The following SCD variants were observed in gnomAD, a reference collection of about 807,000 sequenced individuals.
SCD encodes stearoyl-CoA desaturase.
SCD carries 4 observed loss-of-function variants against 35.7 expected under a neutral mutation model. That is an observed-to-expected ratio of 0.11 (90% CI 0.06 to 0.26). SCD has a LOEUF of 0.26. Among genes scored for constraint, SCD ranks in the 10% least tolerant of loss-of-function variants. The pLI is 1.00. For missense variants in SCD, 282 were observed against 460.7 expected, an observed-to-expected ratio of 0.61 and a Z score of 3.55; for synonymous variants, 150 against 170.2, an observed-to-expected ratio of 0.88 and a Z score of 0.92.
Position 100,356,625 on chromosome 10 carries a change from C to T in SCD, c.741C>T (p.Phe247=), listed in dbSNP as rs141682663. ...GTGAAACTTTTCAAAACAGTGTGTT[C>T]GTTGCCACTTTCTTGCGATATGCTG... ...FWGETFQNSV[F]VATFLRYAVV... The change falls in exon 5 of 6, where the codon TTC becomes TTT. Residue 247 remains phenylalanine, a synonymous_variant. Coordinates refer to ENST00000370355, the MANE Select transcript of SCD (RefSeq NM_005063.5). The surrounding 1 kb of genome is among the most constrained non-coding windows in gnomAD (Gnocchi z 4.1). The T allele has an allele frequency of 1.3e-4, 207 of 1,614,090 alleles. No individual in the cohort carries two copies. Among genetic ancestry groups the T allele is most frequent in the Non-Finnish European group, 1.7e-4 (195 of 1,180,052 alleles).
intron 2 of SCD, among the ~76,000 whole-genome samples, chr10:100,351,468 CTG>C (rs1387444006): frequency 6.6e-6 from 1 of 152,174 alleles, no homozygotes; most frequent in Admixed American, 6.5e-5. Context: ...GCTTAAGACA[CTG>C]TACAAATTGG....
chr10:100,360,609 G>A (rs1179205425), intron 5 of SCD, 125 bp from the exon 6 acceptor site: 5 of 736,822 alleles, frequency 6.8e-6, no homozygotes, highest in Non-Finnish European at 9.5e-6. Context: ...AAAAGAGACT[G>A]AATTCATCCA....
intron 5 of SCD, 68 bp from the exon 6 acceptor site, chr10:100,360,665 TA>T (rs1240117319): frequency 1.8e-5 from 24 of 1,353,090 alleles, no homozygotes; most frequent in Non-Finnish European, 1.1e-6. Flanking sequence ...CCCTGCTAGC[TA>T]ACTGGTGTGC....
At position 100,352,757 on chromosome 10, in the gene SCD, T is replaced by A. The variant is rs1446869992; in HGVS notation, c.441+261T>A. 6.6e-6 allele frequency among the ~76,000 whole-genome samples: 1 copy of A among 152,250 alleles called. No individual in the cohort carries two copies. The highest frequency in any genetic ancestry group is 1.5e-5 in the Non-Finnish European group (1 of 68,050). On this transcript the variant is annotated intron_variant, in intron 3 of 5. Transcript: ENST00000370355. This position sits in a 1 kb window ranked among gnomAD's most constrained non-coding sequence, Gnocchi z 4.2. ...ATTTTTGATCCTAAGGTCCCTGTGTTGTCACACAATCTGGCCGTTGTGGCT... is the reference window on the plus strand; with the variant it reads ...ATTTTTGATCCTAAGGTCCCTGTGTAGTCACACAATCTGGCCGTTGTGGCT...
intron 1 of SCD, 103 bp from the exon 2 acceptor site, chr10:100,347,961 G>T (rs1849819384): frequency 8.4e-7 from 1 of 1,192,830 alleles, no homozygotes; most frequent in African/African-American, 1.5e-5. Flanking sequence ...CTGCGGAAGG[G>T]TCCGTACTGT....
Position 100,362,705 on chromosome 10 carries a change from T to C in SCD, c.*1772T>C, listed in dbSNP as rs1850001648. 6.6e-6 allele frequency: 1 copy of C among 152,260 alleles called. No homozygotes were observed. Among genetic ancestry groups the C allele is most frequent in the East Asian group, 1.9e-4 (1 of 5,194 alleles). 9.4% of individuals were successfully genotyped at this position (152,260 alleles called of 1,614,324 possible). ...TGCCACTTTCACGTGGCCTCCGCAG[T>C]GTCTCCACCTACACCCCTGTGCTCC... is the stretch of plus-strand genomic sequence containing the variant. On this transcript the variant is annotated 3_prime_UTR_variant, in exon 6 of 6. Coordinates refer to ENST00000370355, the MANE Select transcript of SCD (RefSeq NM_005063.5).
chr10:100,348,067 T>C lies in SCD; in HGVS notation c.31T>C (p.Ser11Pro). 1 of 1,613,346 alleles carries C rather than the reference T, an allele frequency of 6.2e-7. No homozygotes were observed. Among genetic ancestry groups the C allele is most frequent in the Non-Finnish European group, 8.5e-7 (1 of 1,179,664 alleles). ...CTCCTCTTCCTCCCCCTTCCAGATC[T>C]CTAGCTCCTATACCACCACCACCAC... MPAHLLQDDISSSYTTTTTIT... is the reference protein window; with the variant it reads MPAHLLQDDIPSSYTTTTTIT... The change falls in exon 2 of 6, where the codon TCT becomes CCT. Residue 11 changes from serine to proline, a missense_variant. Ser to Pro is a moderately conservative substitution (Grantham distance 74). Transcript: ENST00000370355.
At chr10:100,359,619 C>T (rs1334508723) in intron 5 of SCD, among the ~76,000 whole-genome samples, 1 of 152,180 alleles carries the variant, frequency 6.6e-6, no homozygotes, top group Non-Finnish European at 1.5e-5. Flanking sequence ...TCAGGTGTCA[C>T]AGAGAGAGGA....
rs984313022 is a variant in SCD at position 100,362,436 on chromosome 10, C to A, written c.*1503C>A. 3.9e-5 allele frequency: 6 copies of A among 152,108 alleles called. No individual in the cohort carries two copies. Among genetic ancestry groups the A allele is most frequent in the African/African-American group, 1.4e-4 (6 of 41,412 alleles). The allele number at this position is 152,108 out of a possible 1,614,324, so 9.4% of individuals were successfully genotyped here. A position where few individuals can be genotyped will look rare whatever the true frequency, so the allele number is the denominator to read the frequency against. On this transcript the variant is annotated 3_prime_UTR_variant, in exon 6 of 6. Coordinates refer to ENST00000370355, the MANE Select transcript of SCD (RefSeq NM_005063.5). ...ACATCTAGCCTAAAGTATACAACTG[C>A]CTGGGGGGCAGGGTTAGGAATCTCT... is the stretch of plus-strand genomic sequence containing the variant.
intron 5 of SCD, 123 bp from the exon 6 acceptor site, chr10:100,360,611 A>T (rs1479743857): frequency 5.4e-6 from 4 of 740,542 alleles, no homozygotes; most frequent in Admixed American, 2.3e-5. Context: ...AAGAGACTGA[A>T]TTCATCCATT....
Position 100,361,068 on chromosome 10 carries a change from AAAAT to A in SCD, c.*136_*139del. On this transcript the variant is annotated 3_prime_UTR_variant, in exon 6 of 6. Coordinates refer to ENST00000370355, the MANE Select transcript of SCD (RefSeq NM_005063.5). ...ACCCATTCCAGTACAGTATTCTTTT[AAAAT>A]TCAAAAGTATTGAAAGCCAACAACT... 1.3e-6 allele frequency: 1 copy of A among 763,304 alleles called. No homozygotes were observed. The highest frequency in any genetic ancestry group is 2.1e-6 in the Non-Finnish European group (1 of 484,428). The allele number at this position is 763,304 out of a possible 1,614,324, so 47.3% of individuals were successfully genotyped here.
rs760515358 is a variant in SCD at position 100,352,519 on chromosome 10, C to T, written c.441+23C>T. On this transcript the variant is annotated intron_variant, in intron 3 of 5. Transcript: ENST00000370355. This position sits in a 1 kb window ranked among gnomAD's most constrained non-coding sequence, Gnocchi z 4.2. ...CAGGTAAGAAGTTGTCTCTGCTCAG[C>T]TGTTTGTCCTCCACACTATTAATGA... 1 of 1,610,586 alleles carries T rather than the reference C, an allele frequency of 6.2e-7. No homozygotes were observed. The highest frequency in any genetic ancestry group is 8.5e-7 in the Non-Finnish European group (1 of 1,178,900).
At chr10:100,357,353 TTA>T (rs971985567) in intron 5 of SCD, among the ~76,000 whole-genome samples, 10 of 152,220 alleles carry the variant, frequency 6.6e-5, no homozygotes, top group Non-Finnish European at 1.5e-4. Context: ...AAAGTATTTT[TTA>T]TCTTTCCACT....
chr10:100,350,492 A>T (rs1849859479), intron 2 of SCD, among the ~76,000 whole-genome samples: 1 of 152,156 alleles, frequency 6.6e-6, no homozygotes, highest in Non-Finnish European at 1.5e-5. Flanking sequence ...AGGCAAAACC[A>T]TTCAAGTCTC....
At position 100,361,197 on chromosome 10, in the gene SCD, T is replaced by C; in HGVS notation, c.*264T>C. 2.2e-6 allele frequency: 1 copy of C among 444,986 alleles called. No homozygotes were observed. The highest frequency in any genetic ancestry group is 4.1e-6 in the Non-Finnish European group (1 of 246,594). The allele number at this position is 444,986 out of a possible 1,614,324, so 27.6% of individuals were successfully genotyped here. A position where few individuals can be genotyped will look rare whatever the true frequency, so the allele number is the denominator to read the frequency against. On this transcript the variant is annotated 3_prime_UTR_variant, in exon 6 of 6. Transcript: ENST00000370355. Reference sequence around the variant, plus strand: ...TCACTTTATTGCTATCGCCCTCCTTTCCCTTATTGCCTCCCAGGCAAGCAG... The same window carrying C: ...TCACTTTATTGCTATCGCCCTCCTTCCCCTTATTGCCTCCCAGGCAAGCAG...
rs747259276 is a variant in SCD, at chr10:100,354,376, T to A, written c.442-51T>A. 7 of 1,505,542 alleles carry A rather than the reference T, an allele frequency of 4.6e-6. 1 individual carries two copies. In the South Asian group the frequency reaches 7.9e-5, roughly 17 times the overall value. The allele number at this position is 1,505,542 out of a possible 1,614,324, so 93.3% of individuals were successfully genotyped here. ...TGATACCTGTCCATTGGGATTCTCC[T>A]AATAGGGTGTCTATCCTCAAGCCTT... On this transcript the variant is annotated intron_variant, in intron 3 of 5. Coordinates refer to ENST00000370355, the MANE Select transcript of SCD (RefSeq NM_005063.5).
At position 100,352,289 on chromosome 10, in the gene SCD, C is replaced by T; in HGVS notation, c.311-77C>T. The stretch of plus-strand genomic sequence containing the variant: ...CCTGACGAAGACAGTTTCTAGCATC[C>T]AGAGAGTGTCTCTGGCATCCTTTCC... On this transcript the variant is annotated intron_variant, in intron 2 of 5. Coordinates refer to ENST00000370355, the MANE Select transcript of SCD (RefSeq NM_005063.5). The surrounding 1 kb of genome is among the most constrained non-coding windows in gnomAD (Gnocchi z 4.2). 6.8e-7 allele frequency: 1 copy of T among 1,477,024 alleles called. No homozygotes were observed. The highest frequency in any genetic ancestry group is 2.3e-5 in the East Asian group (1 of 43,634). 91.5% of individuals were successfully genotyped at this position (1,477,024 alleles called of 1,614,324 possible).
At chr10:100,353,457 C>T (rs1006174636) in intron 3 of SCD, among the ~76,000 whole-genome samples, 1 of 151,912 alleles carries the variant, frequency 6.6e-6, no homozygotes, top group African/African-American at 2.4e-5. Flanking sequence ...TGGTGGCGGG[C>T]ACCTGTAGTC....
Position 100,352,559 on chromosome 10 carries a change from G to A in SCD, c.441+63G>A. On this transcript the variant is annotated intron_variant, in intron 3 of 5. Transcript: ENST00000370355. The surrounding 1 kb of genome is among the most constrained non-coding windows in gnomAD (Gnocchi z 4.2). ...ACTATTAATGATCCGGGGACAGAAA[G>A]GAGGGATCAGCACCAGAGAGGAGCC... 6.5e-7 allele frequency: 1 copy of A among 1,530,730 alleles called. No individual in the cohort carries two copies. The highest frequency in any genetic ancestry group is 1.1e-5 in the South Asian group (1 of 88,198). 94.8% of individuals were successfully genotyped at this position (1,530,730 alleles called of 1,614,324 possible).
Sources: allele counts gnomAD v4.1 joint callset (sites outside exome capture counted in the v4.1 genomes callset), GRCh38; gene constraint gnomAD v4.1.1; non-coding constraint Gnocchi (gnomAD v3.1); transcripts MANE v1.5; gene names NCBI Gene and HGNC (gene_info 2026-07-23, HGNC 2026-07-21).